ENTHD1: variants seen among roughly 807,000 people sequenced by gnomAD.
ENTHD1 encodes the protein ENTH domain containing 1, also known as ENTH domain-containing protein 1.
A neutral mutation model predicts 39.1 loss-of-function variants in ENTHD1; 23 were observed. The observed-to-expected ratio is 0.59, with a 90% CI of 0.42 to 0.83. ENTHD1 has a LOEUF of 0.83. ENTHD1 is among the 40% of genes least tolerant of loss of function. ENTHD1 has a pLI of 0.00. For missense variants in ENTHD1, 624 were observed against 705.4 expected, an observed-to-expected ratio of 0.88 and a Z score of 1.31; for synonymous variants, 230 against 258.2, an observed-to-expected ratio of 0.89 and a Z score of 1.05.
intron 3 of ENTHD1, among the ~76,000 whole-genome samples, chr22:39,851,873 AGT>A (rs1394006878): frequency 6.6e-6 from 1 of 152,200 alleles, no homozygotes; most frequent in African/African-American, 2.4e-5. Context: ...TGTCGCAAAT[AGT>A]GTGTCACTTC....
chr22:39,828,765 T>C (rs1307125666), intron 4 of ENTHD1, among the ~76,000 whole-genome samples: 1 of 152,182 alleles, frequency 6.6e-6, no homozygotes, highest in Non-Finnish European at 1.5e-5. Flanking sequence ...AATAGCCTTA[T>C]TCATTAGCAA....
At chr22:39,859,600 A>G (rs2066123341) in intron 3 of ENTHD1, among the ~76,000 whole-genome samples, 1 of 152,174 alleles carries the variant, frequency 6.6e-6, no homozygotes, top group Non-Finnish European at 1.5e-5. Flanking sequence ...GATCGGGATC[A>G]GTGAAGCAGT....
intron 5 of ENTHD1, among the ~76,000 whole-genome samples, chr22:39,803,573 G>T (rs145556943): frequency 3.1e-4 from 47 of 152,218 alleles, no homozygotes; most frequent in African/African-American, 1.1e-3. Context: ...AACTCATTAA[G>T]TATCTACTGA....
intron 5 of ENTHD1, among the ~76,000 whole-genome samples, chr22:39,794,803 CAAAAA>C (rs751655466): frequency 1.2e-5 from 1 of 82,400 alleles, no homozygotes. Flanking sequence ...GACTCCATCT[CAAAAA>C]AAAAAAAAAA....
chr22:39,826,570 A>G (rs993037681), intron 4 of ENTHD1, among the ~76,000 whole-genome samples: 2 of 152,186 alleles, frequency 1.3e-5, no homozygotes, highest in Non-Finnish European at 2.9e-5. Flanking sequence ...AAATGTTTAC[A>G]TTATAAATGT....
At chr22:39,815,910 C>T (rs1009017746) in intron 5 of ENTHD1, among the ~76,000 whole-genome samples, 4 of 151,878 alleles carry the variant, frequency 2.6e-5, no homozygotes, top group African/African-American at 9.7e-5. Context: ...GCCTGTGAAA[C>T]GAAATATATA....
At chr22:39,848,234 C>T (rs2066006591) in intron 3 of ENTHD1, among the ~76,000 whole-genome samples, 1 of 151,918 alleles carries the variant, frequency 6.6e-6, no homozygotes, top group Non-Finnish European at 1.5e-5. Context: ...AAACTCTCTG[C>T]TTTTATTTTT....
chr22:39,848,542 G>A (rs2066009725), intron 3 of ENTHD1, among the ~76,000 whole-genome samples: 1 of 152,182 alleles, frequency 6.6e-6, no homozygotes, highest in African/African-American at 2.4e-5. Flanking sequence ...ATGAGCCACA[G>A]CGCCCGGCCA....
intron 5 of ENTHD1, among the ~76,000 whole-genome samples, chr22:39,791,426 G>A (rs940776069): frequency 1.1e-4 from 16 of 151,494 alleles, no homozygotes; most frequent in South Asian, 6.2e-4. Flanking sequence ...GAACAGTCTC[G>A]CTCTGTCACC....
chr22:39,886,058 G>GTTTTT (rs137951), intron 2 of ENTHD1, among the ~76,000 whole-genome samples: 1 of 148,000 alleles, frequency 6.8e-6, no homozygotes, highest in Non-Finnish European at 1.5e-5. Context: ...TCTCAATAAA[G>GTTTTT]TTTTTTTTTT....
intron 3 of ENTHD1, among the ~76,000 whole-genome samples, chr22:39,838,548 T>C (rs2065922299): frequency 6.6e-6 from 1 of 152,154 alleles, no homozygotes; most frequent in Non-Finnish European, 1.5e-5. Flanking sequence ...AGAGGCAGGA[T>C]TTCTGCTGAG....
At chr22:39,866,931 C>G (rs1317247428) in intron 2 of ENTHD1, among the ~76,000 whole-genome samples, 1 of 151,804 alleles carries the variant, frequency 6.6e-6, no homozygotes, top group Non-Finnish European at 1.5e-5. Context: ...GAGACGGAGT[C>G]TCGCTCTGTT....
intron 5 of ENTHD1, among the ~76,000 whole-genome samples, chr22:39,799,272 C>T (rs2065578811): frequency 6.6e-6 from 1 of 152,190 alleles, no homozygotes; most frequent in Admixed American, 6.5e-5. Flanking sequence ...TGGTTTCAGC[C>T]ATAGGCAGGT....
At chr22:39,861,630 A>G (rs574947365) in intron 3 of ENTHD1, 135 bp downstream of exon 3, 2 of 676,998 alleles carry the variant, frequency 3.0e-6, no homozygotes, top group Admixed American at 4.4e-5. Context: ...GTTGTTTTCT[A>G]TAGTATGAAG....
chr22:39,870,541 G>A (rs1258676115), intron 2 of ENTHD1, among the ~76,000 whole-genome samples: 1 of 152,068 alleles, frequency 6.6e-6, no homozygotes, highest in African/African-American at 2.4e-5. Context: ...CAAAGACGAA[G>A]TAAGATAAAT....
intron 1 of ENTHD1, among the ~76,000 whole-genome samples, chr22:39,888,468 C>T (rs1461255892): frequency 2.0e-5 from 3 of 151,560 alleles, no homozygotes; most frequent in Admixed American, 6.6e-5. Context: ...CCCTCTGTTG[C>T]CCAGGCTGGA....
chr22:39,812,013 A>AC (rs1209527922), intron 5 of ENTHD1, among the ~76,000 whole-genome samples: 4 of 27,614 alleles, frequency 1.4e-4, no homozygotes, highest in African/African-American at 4.3e-4. Flanking sequence ...CAAACAAACA[A>AC]ACAAAAAAAA....
At chr22:39,801,807 G>GTT (rs58273369) in intron 5 of ENTHD1, among the ~76,000 whole-genome samples, 1 of 148,666 alleles carries the variant, frequency 6.7e-6, no homozygotes, top group South Asian at 2.2e-4. Flanking sequence ...GTTTGTTGTG[G>GTT]TTTTTTTTTT....
At chr22:39,761,218 G>T (rs914842116) in intron 6 of ENTHD1, among the ~76,000 whole-genome samples, 4 of 151,980 alleles carry the variant, frequency 2.6e-5, no homozygotes, top group Non-Finnish European at 4.4e-5. Context: ...AGAATTCTGG[G>T]TTAATAGGTT....
Sources: gnomAD v4.1 joint callset for allele counts (sites outside exome capture counted in the v4.1 genomes callset) on GRCh38, gnomAD v4.1.1 for gene constraint, MANE v1.5 for transcripts, NCBI Gene and HGNC (gene_info 2026-07-23, HGNC 2026-07-21) for gene names.